The following SMYD3 variants were observed in gnomAD, a reference collection of about 807,000 sequenced individuals.
SMYD3 encodes SET and MYND domain containing 3.
SMYD3 carries 36 observed loss-of-function variants against 57.7 expected under a neutral mutation model. That is an observed-to-expected ratio of 0.62 (90% confidence interval 0.48 to 0.82). SMYD3 has a LOEUF of 0.82. Among genes scored for constraint, SMYD3 ranks in the 40% least tolerant of loss-of-function variants. The probability of loss-of-function intolerance (pLI) is 0.00; values close to 1 mark genes in which losing one functional copy is unlikely to be tolerated. For synonymous variants in SMYD3, 211 were observed against 195.0 expected (o/e 1.08, Z -0.68); for missense variants, 515 against 538.8 (o/e 0.96, Z 0.44).
chr1:246,161,859 G>A (rs2062126134), intron 5 of SMYD3, among the ~76,000 whole-genome samples: 2 of 152,148 alleles, frequency 1.3e-5, no homozygotes, highest in South Asian at 4.1e-4. Flanking sequence ...CTCTAGTTAA[G>A]CCAATAGCAG....
chr1:245,984,432 A>C (rs1289192258), intron 5 of SMYD3, among the ~76,000 whole-genome samples: 1 of 152,228 alleles, frequency 6.6e-6, no homozygotes, highest in East Asian at 1.9e-4. Context: ...CGCCCGCAGA[A>C]GCACCTCCCC....
At chr1:245,966,611 G>A (rs760781117) in intron 5 of SMYD3, among the ~76,000 whole-genome samples, 1 of 152,100 alleles carries the variant, frequency 6.6e-6, no homozygotes. Flanking sequence ...CTTTTCTACA[G>A]GCTGATTTTT....
chr1:246,217,229 A>G (rs1558322874), intron 5 of SMYD3, among the ~76,000 whole-genome samples: 1 of 152,154 alleles, frequency 6.6e-6, no homozygotes. Flanking sequence ...TCAAAACAAA[A>G]GGCAAATTCA....
At chr1:246,059,660 G>T (rs540334560) in intron 5 of SMYD3, among the ~76,000 whole-genome samples, 7 of 152,206 alleles carry the variant, frequency 4.6e-5, no homozygotes, top group African/African-American at 1.7e-4. Flanking sequence ...CCTTTTAAAA[G>T]GTCTTAAAAA....
intron 5 of SMYD3, among the ~76,000 whole-genome samples, chr1:246,126,360 T>C (rs554295758): frequency 1.2e-4 from 19 of 152,358 alleles, no homozygotes; most frequent in African/African-American, 3.8e-4. Flanking sequence ...CCACCAGACT[T>C]GCCGGTAGGT....
At chr1:245,912,079 T>G (rs566465824) in intron 8 of SMYD3, among the ~76,000 whole-genome samples, 2 of 152,226 alleles carry the variant, frequency 1.3e-5, no homozygotes, top group East Asian at 3.9e-4. Context: ...GTCCTCCCTT[T>G]GCAGACAACA....
rs111881006 is a variant in SMYD3 at position 245,900,100 on chromosome 1, T to C, written c.813+15430A>G. On this transcript the variant is annotated intron_variant, in intron 8 of 11. Transcript: ENST00000490107. ...TTTCTCCACCCCATCTTGTTGGTTC[T>C]CCTTCTCTGAAAAACCCTAATTTTA... Among the ~76,000 whole-genome samples, 1,216 of 152,274 alleles carry C rather than the reference T, an allele frequency of 8.0e-3. 14 individuals carry two copies. Among genetic ancestry groups the C allele is most frequent in the African/African-American group, 0.027 (1,117 of 41,546 alleles).
intron 5 of SMYD3, among the ~76,000 whole-genome samples, chr1:246,258,160 C>A (rs959817708): frequency 3.3e-5 from 5 of 152,142 alleles, no homozygotes; most frequent in African/African-American, 1.2e-4. Flanking sequence ...CCTCAGCCTC[C>A]CGAGTAGCTG....
intron 1 of SMYD3, among the ~76,000 whole-genome samples, chr1:246,423,213 C>T (rs977355990): frequency 4.6e-5 from 7 of 151,216 alleles, no homozygotes; most frequent in African/African-American, 1.7e-4. Flanking sequence ...AGGAGAATCA[C>T]TTGAACCCGG....
intron 5 of SMYD3, among the ~76,000 whole-genome samples, chr1:246,248,636 C>CTTTTTT (rs1178698803): frequency 3.3e-4 from 17 of 52,092 alleles, no homozygotes; most frequent in African/African-American, 7.5e-4. Flanking sequence ...TCTGACTTTC[C>CTTTTTT]TTTTTTTTTT....
chr1:245,770,984 A>G (rs939818722), intron 10 of SMYD3, among the ~76,000 whole-genome samples: 4 of 152,272 alleles, frequency 2.6e-5, no homozygotes, highest in African/African-American at 9.6e-5. Context: ...CAGAGGTCTC[A>G]TATGTGTCAA....
rs150401693 is a variant in SMYD3, at chr1:246,488,594, G to T, written c.164+18460C>A. On this transcript the variant is annotated intron_variant, in intron 1 of 11. Coordinates refer to ENST00000490107, the MANE Select transcript of SMYD3 (RefSeq NM_001167740.2). ...TCAGGTACTGGGGAATCTGAGGCAG[G>T]AGAATAGCTTGAACCCAGGAGGCAG... is the stretch of plus-strand genomic sequence containing the variant. Among the ~76,000 whole-genome samples the T allele has an allele frequency of 2.9e-3, 446 of 152,304 alleles. 1 individual carries two copies. The highest frequency in any genetic ancestry group is 9.9e-3 in the African/African-American group (413 of 41,572).
At chr1:246,166,754 G>A (rs1399536192) in intron 5 of SMYD3, among the ~76,000 whole-genome samples, 1 of 152,168 alleles carries the variant, frequency 6.6e-6, no homozygotes, top group African/African-American at 2.4e-5. Context: ...TGAGAGCTAG[G>A]GGCCGCGGGA....
intron 8 of SMYD3, among the ~76,000 whole-genome samples, chr1:245,872,125 G>A (rs567811421): frequency 1.6e-4 from 24 of 151,864 alleles, no homozygotes; most frequent in Non-Finnish European, 2.1e-4. Context: ...ACTGCCTGGC[G>A]GCAATGAGCG....
intron 5 of SMYD3, among the ~76,000 whole-genome samples, chr1:246,093,443 A>G (rs1026434323): frequency 4.6e-5 from 7 of 152,222 alleles, no homozygotes; most frequent in African/African-American, 1.7e-4. Flanking sequence ...GCCATAAAAA[A>G]GAATAAAGTC....
intron 6 of SMYD3, among the ~76,000 whole-genome samples, chr1:245,929,512 G>A (rs540189299): frequency 8.5e-5 from 13 of 152,190 alleles, no homozygotes; most frequent in African/African-American, 2.4e-4. Flanking sequence ...TGATACGTAC[G>A]GCAAGTCCGG....
At chr1:246,030,369 T>C (rs528483748) in intron 5 of SMYD3, among the ~76,000 whole-genome samples, 1 of 152,274 alleles carries the variant, frequency 6.6e-6, no homozygotes, top group South Asian at 2.1e-4. Flanking sequence ...AAAAAAGATG[T>C]TGTTTTGTGC....
rs1419827804 is a variant in SMYD3 at position 246,333,470 on chromosome 1, C to A, written c.336+1897G>T. ...TGCAATGGAGTAAATAGACAACTTA[C>A]AGAATCGAAGAAAATATTCGCAAAC... is the stretch of plus-strand genomic sequence containing the variant. On this transcript the variant is annotated intron_variant, in intron 3 of 11. Coordinates refer to ENST00000490107, the MANE Select transcript of SMYD3 (RefSeq NM_001167740.2). Among the ~76,000 whole-genome samples, 4 of 152,194 alleles carry A rather than the reference C, an allele frequency of 2.6e-5. No homozygotes were observed. In the East Asian group the frequency reaches 7.7e-4, roughly 29 times the overall value.
chr1:246,095,841 A>AC (rs2060903691), intron 5 of SMYD3, among the ~76,000 whole-genome samples: 2 of 152,092 alleles, frequency 1.3e-5, no homozygotes, highest in African/African-American at 4.8e-5. Context: ...ATGTCATTAC[A>AC]CCCCAGCCTA....
Sources: gnomAD v4.1 joint callset for allele counts (sites outside exome capture counted in the v4.1 genomes callset) on GRCh38, gnomAD v4.1.1 for gene constraint, MANE v1.5 for transcripts, NCBI Gene and HGNC (gene_info 2026-07-23, HGNC 2026-07-21) for gene names.